The following KNL1 variants were observed in gnomAD, a reference collection of about 807,000 sequenced individuals.
KNL1 encodes kinetochore scaffold 1.
Under a neutral mutation model 201.3 loss-of-function variants are expected in KNL1, and 66 were observed. The observed-to-expected ratio is 0.33, with a 90% CI of 0.27 to 0.40. The LOEUF is 0.40. KNL1 is among the 10% of genes least tolerant of loss of function. The pLI is 1.00. For missense variants in KNL1, 2,815 were observed against 2,690.5 expected, an observed-to-expected ratio of 1.05 and a Z score of -1.02; for synonymous variants, 895 against 899.2, an observed-to-expected ratio of 1.00 and a Z score of 0.08.
intron 5 of KNL1, among the ~76,000 whole-genome samples, chr15:40,609,751 T>C (rs1892094419): frequency 6.6e-6 from 1 of 152,144 alleles, no homozygotes. Context: ...AATGAATATT[T>C]TAGGTGATTG....
chr15:40,608,794 T>C (rs2141704123), intron 4 of KNL1, 53 bp from the exon 5 acceptor site: 6 of 1,273,256 alleles, frequency 4.7e-6, no homozygotes, highest in Non-Finnish European at 6.8e-6. Context: ...ACTCTGGAGA[T>C]GTAATTCACA....
At chr15:40,601,720 C>G (rs1280713726) in intron 1 of KNL1, among the ~76,000 whole-genome samples, 1 of 150,018 alleles carries the variant, frequency 6.7e-6, no homozygotes, top group Non-Finnish European at 1.5e-5. Flanking sequence ...ACTCGGGAGG[C>G]TGAGGCAGGA....
At chr15:40,651,700 GAGTC>G in intron 20 of KNL1, 128 bp downstream of exon 20, 1 of 625,824 alleles carries the variant, frequency 1.6e-6, no homozygotes. Context: ...GTTTCAAAAA[GAGTC>G]AGTGTACTCA....
At position 40,625,192 on chromosome 15, in the gene KNL1, ATAAAG is replaced by A; in HGVS notation, c.4932_4936del (p.Val1645GlufsTer10). On this transcript the variant is annotated frameshift_variant, in exon 10 of 26. Coordinates refer to ENST00000399668, the MANE Select transcript of KNL1 (RefSeq NM_144508.5). LOFTEE classifies it high-confidence loss of function. The stretch of plus-strand genomic sequence containing the variant: ...CTACCGCCAAAGACAGTTTTTAAAG[ATAAAG>A]TAAGGAGATGTTCTTTGGGAATCTT... The A allele has an allele frequency of 6.2e-7, 1 of 1,614,014 alleles. No individual in the cohort carries two copies. Among genetic ancestry groups the A allele is most frequent in the Non-Finnish European group, 8.5e-7 (1 of 1,179,970 alleles).
In KNL1 at chr15:40,662,349, G is replaced by T. The variant is rs1331162425; in HGVS notation, c.*161G>T. Reference sequence around the variant, plus strand: ...TATGTTTTTTATATCTCTGCAGAATGATGGTGATGAAGTCTGGATGGTAGG... The same window carrying T: ...TATGTTTTTTATATCTCTGCAGAATTATGGTGATGAAGTCTGGATGGTAGG... On this transcript the variant is annotated 3_prime_UTR_variant, in exon 26 of 26. Transcript: ENST00000399668. The T allele has an allele frequency of 1.8e-6, 1 of 561,852 alleles. No homozygotes were observed. The highest frequency in any genetic ancestry group is 3.2e-6 in the Non-Finnish European group (1 of 314,378). 34.8% of individuals were successfully genotyped at this position (561,852 alleles called of 1,614,324 possible). A position where few individuals can be genotyped will look rare whatever the true frequency, so the allele number is the denominator to read the frequency against.
intron 4 of KNL1, among the ~76,000 whole-genome samples, chr15:40,607,707 A>G (rs1892019464): frequency 6.6e-6 from 1 of 152,220 alleles, no homozygotes; most frequent in Non-Finnish European, 1.5e-5. Flanking sequence ...AGAGATGCTC[A>G]ACATCATTGA....
Position 40,650,370 on chromosome 15 carries a change from C to G in KNL1, c.6164C>G (p.Ala2055Gly). 6.2e-7 allele frequency: 1 copy of G among 1,611,196 alleles called. No individual in the cohort carries two copies. Among genetic ancestry groups the G allele is most frequent in the Non-Finnish European group, 8.5e-7 (1 of 1,177,712 alleles). Residue 2055 changes from alanine to glycine, a missense_variant, in exon 18 of 26, where the codon GCA (alanine) becomes GGA (glycine). By Grantham distance (60) the Ala-to-Gly change is moderately conservative. Coordinates refer to ENST00000399668, the MANE Select transcript of KNL1 (RefSeq NM_144508.5). ...VEEWDSEMRA[A>G]EKELEQLKTE... ...GAATGGGATTCTGAAATGAGAGCTG[C>G]AGAAAAAGGTAATTGAATTAGTTAA...
At chr15:40,599,867 C>T (rs1270608251) in intron 1 of KNL1, among the ~76,000 whole-genome samples, 4 of 145,598 alleles carry the variant, frequency 2.7e-5, no homozygotes, top group African/African-American at 7.7e-5. Flanking sequence ...TAGCTATTCA[C>T]GGTTGCAATC....
chr15:40,608,413 G>A (rs1285469536), intron 4 of KNL1, among the ~76,000 whole-genome samples: 9 of 140,106 alleles, frequency 6.4e-5, no homozygotes, highest in Non-Finnish European at 1.4e-4. Context: ...CAGCCTGGGC[G>A]ACAGAACAAA....
chr15:40,630,678 A>G (rs962453267), intron 13 of KNL1, among the ~76,000 whole-genome samples: 8 of 152,196 alleles, frequency 5.3e-5, no homozygotes, highest in Non-Finnish European at 1.0e-4. Flanking sequence ...CCCTTATGAG[A>G]ATCTAATGCA....
In KNL1 at chr15:40,621,975, A is replaced by T. The variant is rs1440095048; in HGVS notation, c.1711A>T (p.Asn571Tyr). The T allele has an allele frequency of 2.5e-6, 4 of 1,614,054 alleles. No individual in the cohort carries two copies. Among genetic ancestry groups the T allele is most frequent in the Non-Finnish European group, 2.5e-6 (3 of 1,179,964 alleles). Reference protein sequence around the residue: ...DRKTELLSGENMDLTESHTSN... With the variant: ...DRKTELLSGEYMDLTESHTSN... ...AAAGACTGAACTCTTATCAGGTGAA[A>T]ATATGGATTTGACTGAAAGTCACAC... The change falls in exon 10 of 26, where the codon AAT becomes TAT. Residue 571 changes from asparagine (N) to tyrosine (Y), a missense_variant. By Grantham distance (143) the Asn-to-Tyr change is moderately radical. Around this residue, in one of 3 missense-constraint regions of KNL1, gnomAD observed 2,464 missense variants for 2,291.7 expected, o/e 1.08. Transcript: ENST00000399668.
chr15:40,610,146 A>G (rs1892105814), intron 5 of KNL1, 99 bp from the exon 6 acceptor site: 1 of 646,254 alleles, frequency 1.5e-6, no homozygotes, highest in Non-Finnish European at 2.7e-6. Flanking sequence ...CTAAAATCAA[A>G]GTATTATCTT....
chr15:40,646,535 C>T (rs1414186025), intron 16 of KNL1, among the ~76,000 whole-genome samples: 2 of 151,710 alleles, frequency 1.3e-5, no homozygotes, highest in Admixed American at 1.3e-4. Flanking sequence ...TAAGTTCCAA[C>T]CTAAAGCTTT....
intron 8 of KNL1, among the ~76,000 whole-genome samples, chr15:40,618,738 C>G (rs1362905774): frequency 6.6e-6 from 1 of 152,044 alleles, no homozygotes; most frequent in Non-Finnish European, 1.5e-5. Context: ...GATCATTACA[C>G]AATGTATACA....
rs545384458 is a variant in KNL1 at position 40,620,684 on chromosome 15, C to T, written c.420C>T (p.Asp140=). ...CCCGTGAAAGGAAACATGCAAATGA[C>T]CAGACAGTCATTTTTTCAGATGAAA... ...EHTRERKHAN[D]QTVIFSDENQ... The change falls in exon 10 of 26, where the codon GAC becomes GAT. Residue 140 remains aspartate (D), a synonymous_variant. Coordinates refer to ENST00000399668, the MANE Select transcript of KNL1 (RefSeq NM_144508.5). The T allele has an allele frequency of 1.9e-6, 3 of 1,600,348 alleles. No individual in the cohort carries two copies. In the African/African-American group the frequency reaches 4.1e-5, roughly 22 times the overall value.
intron 17 of KNL1, among the ~76,000 whole-genome samples, chr15:40,648,248 C>CA (rs1277169015): frequency 6.6e-6 from 1 of 152,064 alleles, no homozygotes; most frequent in Non-Finnish European, 1.5e-5. Flanking sequence ...GCCTGGGCAA[C>CA]AGAGTGAGGC....
chr15:40,623,963 C>A lies in KNL1; in HGVS notation c.3699C>A (p.Leu1233=). Residue 1233 remains leucine (L), a synonymous_variant, in exon 10 of 26, where the codon CTC becomes CTA. Transcript: ENST00000399668. ...TTCACACCGAGCAAAAGCAACAACT[C>A]TTTGCTGCTACTAATAGAACTACTA... is the stretch of plus-strand genomic sequence containing the variant. ...IVLHTEQKQQ[L]FAATNRTTNE... is the part of the protein sequence containing the mutation. 6 of 1,613,488 alleles carry A rather than the reference C, an allele frequency of 3.7e-6. No homozygotes were observed. Among genetic ancestry groups the A allele is most frequent in the Non-Finnish European group, 4.2e-6 (5 of 1,179,866 alleles).
intron 13 of KNL1, among the ~76,000 whole-genome samples, chr15:40,640,385 GC>G (rs1191892442): frequency 3.3e-5 from 5 of 152,132 alleles, no homozygotes; most frequent in Admixed American, 6.5e-5. Flanking sequence ...GATCCACTGT[GC>G]CCGGCCCTGA....
At position 40,664,118 on chromosome 15, in the gene KNL1, G is replaced by C. The variant is rs527732433; in HGVS notation, c.*1930G>C. On this transcript the variant is annotated 3_prime_UTR_variant, in exon 26 of 26. Coordinates refer to ENST00000399668, the MANE Select transcript of KNL1 (RefSeq NM_144508.5). ...CTGAAAAGTAGAGATTTTGTTTTAC[G>C]CATTTTAGTAACCTGCAACAACCAA... 24 of 183,692 alleles carry C rather than the reference G, an allele frequency of 1.3e-4. No individual in the cohort carries two copies. The highest frequency in any genetic ancestry group is 6.9e-4 in the Admixed American group (11 of 16,058). 11.4% of individuals were successfully genotyped at this position (183,692 alleles called of 1,614,324 possible). A position where few individuals can be genotyped will look rare whatever the true frequency, so the allele number is the denominator to read the frequency against.
Sources: gnomAD v4.1 joint callset for allele counts (sites outside exome capture counted in the v4.1 genomes callset) on GRCh38, gnomAD v4.1.1 for gene constraint, gnomAD v4.1.1 regional missense constraint, MANE v1.5 for transcripts, NCBI Gene and HGNC (gene_info 2026-07-23, HGNC 2026-07-21) for gene names.